Variants in ABCC1 observed in about 807,000 individuals in gnomAD.
ABCC1 encodes the protein ATP binding cassette subfamily C member 1 (ABCC1 blood group).
A neutral mutation model predicts 172.9 loss-of-function variants in ABCC1; 83 were observed. That is an observed-to-expected ratio of 0.48 (90% CI 0.40 to 0.58). ABCC1 has a LOEUF of 0.58. Ranked by LOEUF, ABCC1 falls within the 20% of genes least tolerant of loss-of-function variation. The probability of loss-of-function intolerance (pLI) is 0.00; values close to 1 mark genes in which losing one functional copy is unlikely to be tolerated. For missense variants in ABCC1, 1,817 were observed against 2,002.7 expected, an observed-to-expected ratio of 0.91 and a Z score of 1.77; for synonymous variants, 937 against 825.2, an observed-to-expected ratio of 1.14 and a Z score of -2.32.
rs190665671 is a variant in ABCC1, at chr16:16,028,783, C to T, written c.616-4326C>T. On this transcript the variant is annotated intron_variant, in intron 5 of 30. Transcript: ENST00000399410. The stretch of plus-strand genomic sequence containing the variant: ...CAGTAGGACAAACGACTCCCATTTT[C>T]CAGGTGTAAAAACTGAGGCTTGGAG... Among the ~76,000 whole-genome samples the T allele has an allele frequency of 2.1e-3, 327 of 152,238 alleles. 2 individuals are homozygous for T. Among genetic ancestry groups the T allele is most frequent in the Non-Finnish European group, 6.9e-4 (47 of 68,020 alleles).
At chr16:16,005,837 C>T (rs1227244912) in intron 1 of ABCC1, among the ~76,000 whole-genome samples, 1 of 151,796 alleles carries the variant, frequency 6.6e-6, no homozygotes, top group Non-Finnish European at 1.5e-5. Flanking sequence ...GACCGCAGTC[C>T]CAGCTATTTA....
At chr16:16,098,496 G>A (rs941438008) in intron 19 of ABCC1, among the ~76,000 whole-genome samples, 1 of 152,232 alleles carries the variant, frequency 6.6e-6, no homozygotes, top group African/African-American at 2.4e-5. Context: ...GCGGGCACCT[G>A]TAATCCCAGC....
chr16:16,115,963 C>T (rs1213821222), intron 23 of ABCC1, among the ~76,000 whole-genome samples: 8 of 151,154 alleles, frequency 5.3e-5, no homozygotes, highest in Non-Finnish European at 7.4e-5. Flanking sequence ...AGTGCAGTGG[C>T]GCGATCTCGG....
chr16:16,129,935 C>A (rs1162985131), intron 26 of ABCC1, among the ~76,000 whole-genome samples: 4 of 152,280 alleles, frequency 2.6e-5, no homozygotes, highest in Non-Finnish European at 5.9e-5. Context: ...TGCCCCTGAG[C>A]TTGGCCATGT....
intron 1 of ABCC1, among the ~76,000 whole-genome samples, chr16:15,953,597 G>A (rs901051117): frequency 2.0e-5 from 3 of 152,146 alleles, no homozygotes; most frequent in African/African-American, 2.4e-5. Context: ...ACAGCGCTCA[G>A]TAAAGATCAG....
At chr16:16,092,852 G>A (rs2051309514) in intron 19 of ABCC1, among the ~76,000 whole-genome samples, 1 of 152,172 alleles carries the variant, frequency 6.6e-6, no homozygotes, top group Non-Finnish European at 1.5e-5. Flanking sequence ...TAGCTGGGAT[G>A]GTGGTGCACA....
chr16:16,008,842 CAAAAAAAAAAAA>C (rs1208088210), intron 2 of ABCC1, among the ~76,000 whole-genome samples: 4 of 60,236 alleles, frequency 6.6e-5, no homozygotes, highest in African/African-American at 1.8e-4. Flanking sequence ...GACTCCTTCT[CAAAAAAAAAAAA>C]AAAAAAAAAA....
At chr16:16,048,102 C>T in intron 9 of ABCC1, 40 bp from the exon 10 acceptor site, 1 of 1,609,078 alleles carries the variant, frequency 6.2e-7, no homozygotes, top group African/African-American at 1.3e-5. Flanking sequence ...GCCTCTTCAG[C>T]TGCCACACTC....
intron 30 of ABCC1, among the ~76,000 whole-genome samples, chr16:16,139,901 G>C (rs2046068240): frequency 1.3e-5 from 2 of 152,202 alleles, no homozygotes. Context: ...TGTTCTTAAG[G>C]GCCGGGGTAG....
chr16:16,091,846 C>T (rs1366564212), intron 19 of ABCC1, among the ~76,000 whole-genome samples: 2 of 152,188 alleles, frequency 1.3e-5, no homozygotes, highest in Admixed American at 1.3e-4. Flanking sequence ...GGTTGGTTCT[C>T]AAGTTGGTCT....
chr16:16,116,752 G>T (rs1390463520), intron 23 of ABCC1, among the ~76,000 whole-genome samples: 1 of 152,008 alleles, frequency 6.6e-6, no homozygotes, highest in African/African-American at 2.4e-5. Flanking sequence ...TAGAGACGAG[G>T]TTTCACCATG....
rs1284164937 is a variant in ABCC1 at position 16,091,640 on chromosome 16, C to G, written c.2644+1052C>G. On this transcript the variant is annotated intron_variant, in intron 19 of 30. Transcript: ENST00000399410. Reference sequence around the variant, plus strand: ...AAAGGCCTCAGGACCAGCATGAGCTCAATTTGTTTACAAAACAAAAAGGGT... The same window carrying G: ...AAAGGCCTCAGGACCAGCATGAGCTGAATTTGTTTACAAAACAAAAAGGGT... Among the ~76,000 whole-genome samples the G allele has an allele frequency of 9.2e-5, 14 of 152,172 alleles. No individual in the cohort carries two copies. In the East Asian group the frequency reaches 2.1e-3, roughly 23 times the overall value.
At chr16:16,086,750 A>G in intron 17 of ABCC1, 74 bp from the exon 18 acceptor site, 1 of 1,553,268 alleles carries the variant, frequency 6.4e-7, no homozygotes, top group Non-Finnish European at 8.8e-7. Context: ...ATCACACCAC[A>G]CTCGGCCTGC....
At chr16:15,961,734 G>C (rs1020617275) in intron 1 of ABCC1, among the ~76,000 whole-genome samples, 1 of 149,346 alleles carries the variant, frequency 6.7e-6, no homozygotes, top group Non-Finnish European at 1.5e-5. Context: ...GCCATTTTAA[G>C]CCCATGCAAA....
chr16:16,007,752 C>A, intron 1 of ABCC1, 64 bp from the exon 2 acceptor site: 1 of 1,491,024 alleles, frequency 6.7e-7, no homozygotes. Flanking sequence ...GTTTCATGCT[C>A]CAGGCGAGCT....
At chr16:16,111,864 G>A (rs2052402555) in intron 22 of ABCC1, among the ~76,000 whole-genome samples, 1 of 152,170 alleles carries the variant, frequency 6.6e-6, no homozygotes, top group Admixed American at 6.5e-5. Context: ...AAGCACTGAG[G>A]GTTGGGAGGA....
At chr16:16,067,879 A>G (rs773222656) in intron 12 of ABCC1, among the ~76,000 whole-genome samples, 1 of 152,192 alleles carries the variant, frequency 6.6e-6, no homozygotes, top group African/African-American at 2.4e-5. Flanking sequence ...TTTGAGGAAT[A>G]CTAAGAATGC....
chr16:16,067,827 C>A (rs1043086578), intron 12 of ABCC1, among the ~76,000 whole-genome samples: 7 of 152,220 alleles, frequency 4.6e-5, no homozygotes, highest in Admixed American at 4.6e-4. Flanking sequence ...GCAGAGGAAA[C>A]GTCAGGGGCA....
chr16:16,072,693 A>C (rs1463340155), intron 14 of ABCC1, among the ~76,000 whole-genome samples: 1 of 151,822 alleles, frequency 6.6e-6, no homozygotes, highest in African/African-American at 2.4e-5. Context: ...ATCGTTTCCC[A>C]GCCCATCCCC....
Sources: gnomAD v4.1 joint callset for allele counts (sites outside exome capture counted in the v4.1 genomes callset) on GRCh38, gnomAD v4.1.1 for gene constraint, MANE v1.5 for transcripts, NCBI Gene and HGNC (gene_info 2026-07-23, HGNC 2026-07-21) for gene names.